TRMT44: variants seen among roughly 807,000 people sequenced by gnomAD.
TRMT44 encodes tRNA methyltransferase 44 homolog.
A neutral mutation model predicts 77.3 loss-of-function variants in TRMT44; 78 were observed. That is an observed-to-expected ratio of 1.01 (90% CI 0.84 to 1.22). TRMT44 has a LOEUF of 1.22. TRMT44 is among the 50% of genes most tolerant of loss of function. The pLI is 0.00. For missense variants in TRMT44, 1,090 were observed against 964.4 expected, an observed-to-expected ratio of 1.13 and a Z score of -1.73; for synonymous variants, 391 against 383.3, an observed-to-expected ratio of 1.02 and a Z score of -0.23.
chr4:8,493,463 C>T (rs1222673544), exon 3 of TRMT44: 1 of 152,188 alleles, frequency 6.6e-6, no homozygotes, highest in Non-Finnish European at 1.5e-5. Context: ...ACCTCAATCC[C>T]TGAGTTTTCA....
At chr4:8,472,892 C>G (rs1003709641) in intron 10 of TRMT44, among the ~76,000 whole-genome samples, 1 of 152,202 alleles carries the variant, frequency 6.6e-6, no homozygotes, top group Non-Finnish European at 1.5e-5. Context: ...TCTGTCTTTC[C>G]CAACACTTGT....
At chr4:8,484,653 G>C (rs958421026) in intron 2 of TRMT44, among the ~76,000 whole-genome samples, 11 of 152,204 alleles carry the variant, frequency 7.2e-5, no homozygotes, top group Non-Finnish European at 1.3e-4. Context: ...GGGAGAGCTA[G>C]AGAGGGGGCA....
chr4:8,505,591 G>T, the TRMT44 span, among the ~76,000 whole-genome samples: 1 of 152,356 alleles, frequency 6.6e-6, no homozygotes, highest in South Asian at 2.1e-4. Context: ...TGCACTAGCT[G>T]CACTGTTTCA....
At chr4:8,489,491 A>G (rs9996016) in intron 2 of TRMT44, among the ~76,000 whole-genome samples, 5,736 of 106,228 alleles carry the variant, frequency 0.054, 238 homozygotes, top group East Asian at 0.24. Flanking sequence ...GTTTTGTTTT[A>G]TTTGAGATGG....
chr4:8,516,109 AG>A, the TRMT44 span, among the ~76,000 whole-genome samples: 57 of 152,194 alleles, frequency 3.7e-4, no homozygotes, highest in African/African-American at 1.4e-3. Context: ...GGAAGAATAG[AG>A]GGGGGAAAAC....
intron 3 of TRMT44, 42 bp downstream of exon 3, chr4:8,449,930 TTTTC>T: frequency 1.7e-6 from 1 of 583,218 alleles, no homozygotes; most frequent in Non-Finnish European, 2.4e-6. Flanking sequence ...CCCTTCATGA[TTTTC>T]TTTTCTTTTC....
At chr4:8,504,663 T>G in the TRMT44 span, among the ~76,000 whole-genome samples, 3 of 152,160 alleles carry the variant, frequency 2.0e-5, no homozygotes, top group African/African-American at 7.2e-5. This position sits in a 1 kb window ranked among gnomAD's most constrained non-coding sequence, Gnocchi z 5.3. Flanking sequence ...ATCCTCCCTG[T>G]GGGGAAGAGG....
In TRMT44 at chr4:8,471,065, A is replaced by C; in HGVS notation, c.1928-19A>C. The C allele has an allele frequency of 6.4e-7, 1 of 1,563,262 alleles. No homozygotes were observed. Among genetic ancestry groups the C allele is most frequent in the Non-Finnish European group, 8.7e-7 (1 of 1,155,730 alleles). ...TTTTGCTGTTGTTTTGGGGAAAAAA[A>C]AAACCCGTTTTTCCACAGAGAGCCT... On this transcript the variant is annotated intron_variant, in intron 9 of 10. Transcript: ENST00000389737.
At chr4:8,514,095 C>T in the TRMT44 span, among the ~76,000 whole-genome samples, 4 of 152,204 alleles carry the variant, frequency 2.6e-5, no homozygotes, top group Admixed American at 2.0e-4. Context: ...ACCATGCACC[C>T]GTCCATAGGG....
At position 8,452,423 on chromosome 4, in the gene TRMT44, T is replaced by C. The variant is rs755578937; in HGVS notation, c.1023+395T>C. Reference sequence around the variant, plus strand: ...ATGCCCTCTGATTTAATCATCTTGGTTTACTTATCTATAAGAATGTTTAGA... The same window carrying C: ...ATGCCCTCTGATTTAATCATCTTGGCTTACTTATCTATAAGAATGTTTAGA... On this transcript the variant is annotated intron_variant, in intron 4 of 10. Transcript: ENST00000389737. This position sits in a 1 kb window ranked among gnomAD's most constrained non-coding sequence, Gnocchi z 5.7. Among the ~76,000 whole-genome samples the C allele has an allele frequency of 6.6e-5, 10 of 152,216 alleles. No homozygotes were observed. The highest frequency in any genetic ancestry group is 1.0e-4 in the Non-Finnish European group (7 of 68,050).
In TRMT44 at chr4:8,475,816, CTG is replaced by C. The variant is rs1221291809; in HGVS notation, c.2092_2093del (p.Trp698GlufsTer14). The C allele has an allele frequency of 5.6e-6, 9 of 1,614,058 alleles. No homozygotes were observed. Among genetic ancestry groups the C allele is most frequent in the East Asian group, 2.2e-5 (1 of 44,896 alleles). On this transcript the variant is annotated frameshift_variant, in exon 11 of 11. Transcript: ENST00000389737. LOFTEE classifies it low-confidence loss of function (END_TRUNC). ...CATCCGCGACTGGCGAGAGGAGACACTGTGGAAGACAAAGCAACCGGAAGCGA... is the reference window on the plus strand; with the variant it reads ...CATCCGCGACTGGCGAGAGGAGACACTGGAAGACAAAGCAACCGGAAGCGA... ...VHIRDWREET[L>X]WKTKQPEAKQ...
chr4:8,509,734 G>A, the TRMT44 span: 3 of 152,622 alleles, frequency 2.0e-5, no homozygotes, highest in Non-Finnish European at 4.4e-5. Context: ...TCACCAGGAG[G>A]AGGCCCTTGT....
Position 8,471,088 on chromosome 4 carries a change from C to T in TRMT44, c.1932C>T (p.Ser644=), listed in dbSNP as rs1382106518. 1 of 1,590,800 alleles carries T rather than the reference C, an allele frequency of 6.3e-7. No homozygotes were observed. Among genetic ancestry groups the T allele is most frequent in the East Asian group, 2.2e-5 (1 of 44,480 alleles). Residue 644 remains serine, a synonymous_variant, in exon 10 of 11, where the codon AGC becomes AGT. Transcript: ENST00000389737. ...GSLKTWNGGE[S]LSLAEVANEL... is the part of the protein sequence containing the mutation. The stretch of plus-strand genomic sequence containing the variant: ...AAAAAACCCGTTTTTCCACAGAGAG[C>T]CTATCTCTGGCAGAAGTAGCCAACG...
chr4:8,459,953 G>A (rs1461229102), intron 6 of TRMT44, among the ~76,000 whole-genome samples: 1 of 152,164 alleles, frequency 6.6e-6, no homozygotes, highest in Non-Finnish European at 1.5e-5. Context: ...ACAGAGGCTG[G>A]GCCAGGGTGG....
chr4:8,513,274 A>G, the TRMT44 span, among the ~76,000 whole-genome samples: 3 of 152,238 alleles, frequency 2.0e-5, no homozygotes, highest in East Asian at 1.9e-4. Flanking sequence ...CACATCTTAC[A>G]TGGCTGGCAG....
At chr4:8,492,403 A>G (rs186930813) in intron 2 of TRMT44, among the ~76,000 whole-genome samples, 73 of 152,304 alleles carry the variant, frequency 4.8e-4, no homozygotes, top group Non-Finnish European at 9.1e-4. Context: ...ATTATAACAG[A>G]AAATTATGAC....
chr4:8,465,357 G>C, intron 7 of TRMT44, 21 bp from the exon 8 acceptor site: 1 of 1,598,408 alleles, frequency 6.3e-7, no homozygotes, highest in Non-Finnish European at 8.5e-7. Flanking sequence ...TTGACCCTGT[G>C]GTTGTTGGTT....
At position 8,468,283 on chromosome 4, in the gene TRMT44, G is replaced by C; in HGVS notation, c.1864G>C (p.Gly622Arg). 6.2e-7 allele frequency: 1 copy of C among 1,614,238 alleles called. No homozygotes were observed. The highest frequency in any genetic ancestry group is 8.5e-7 in the Non-Finnish European group (1 of 1,180,054). Residue 622 changes from glycine to arginine, a missense_variant, in exon 9 of 11, where the codon GGT (glycine) becomes CGT (arginine). Coordinates refer to ENST00000389737, the MANE Select transcript of TRMT44 (RefSeq NM_152544.3). ...TTTGCAAGTAGCGAATTTACTGTTA[G>C]GTGGAAAGCAATTAAACACAAGAAG... ...VVLQVANLLL[G>R]GKQLNTRSSR...
downstream of TRMT44, among the ~76,000 whole-genome samples, chr4:8,495,218 G>C (rs1458282283): frequency 2.0e-5 from 3 of 152,208 alleles, no homozygotes; most frequent in Non-Finnish European, 4.4e-5. Context: ...GCTGCACTTG[G>C]GCAGTTTGCA....
Sources: allele counts gnomAD v4.1 joint callset (sites outside exome capture counted in the v4.1 genomes callset), GRCh38; gene constraint gnomAD v4.1.1; non-coding constraint Gnocchi (gnomAD v3.1); transcripts MANE v1.5; gene names NCBI Gene and HGNC (gene_info 2026-07-23, HGNC 2026-07-21).